CAMK1D: variants seen among roughly 807,000 people sequenced by gnomAD.
CAMK1D encodes the protein calcium/calmodulin dependent protein kinase ID.
In CAMK1D, 9 loss-of-function variants were observed where a neutral mutation model predicts 47.7. That is an observed-to-expected ratio of 0.19 (90% CI 0.11 to 0.33). The LOEUF (loss-of-function observed/expected upper bound fraction) is 0.33, where lower values mean the gene tolerates loss of function less well. CAMK1D is among the 10% of genes least tolerant of loss of function. CAMK1D has a pLI of 1.00. For synonymous variants in CAMK1D, 184 were observed against 184.9 expected, an observed-to-expected ratio of 0.99 and a Z score of 0.04; for missense variants, 291 against 488.7, an observed-to-expected ratio of 0.60 and a Z score of 3.81.
At chr10:12,373,248 G>GT (rs1430485718) in intron 1 of CAMK1D, among the ~76,000 whole-genome samples, 5 of 151,942 alleles carry the variant, frequency 3.3e-5, no homozygotes, top group Admixed American at 1.3e-4. Context: ...AGGAAGTTGA[G>GT]GCTGCAGTGA....
At chr10:12,784,479 T>A (rs958946761) in intron 5 of CAMK1D, among the ~76,000 whole-genome samples, 3 of 152,114 alleles carry the variant, frequency 2.0e-5, no homozygotes, top group Admixed American at 1.3e-4. Flanking sequence ...ATTACAGGCG[T>A]GAGCCACCGT....
At chr10:12,538,126 C>T (rs954307847) in intron 1 of CAMK1D, among the ~76,000 whole-genome samples, 8 of 152,230 alleles carry the variant, frequency 5.3e-5, no homozygotes, top group African/African-American at 1.7e-4. Flanking sequence ...GGGGAAGGCA[C>T]CGTCAGCCAC....
intron 5 of CAMK1D, among the ~76,000 whole-genome samples, chr10:12,770,322 A>G (rs1588906220): frequency 1.3e-5 from 2 of 152,214 alleles, no homozygotes; most frequent in Non-Finnish European, 2.9e-5. Flanking sequence ...ACAACCCCCA[A>G]TTCTTTGTAC....
chr10:12,563,336 A>AG, intron 2 of CAMK1D, among the ~76,000 whole-genome samples: 1 of 149,360 alleles, frequency 6.7e-6, no homozygotes, highest in East Asian at 2.0e-4. Context: ...TCTGGGCAAC[A>AG]GAGTGAGACT....
At chr10:12,495,951 C>G (rs952928780) in intron 1 of CAMK1D, among the ~76,000 whole-genome samples, 2 of 152,122 alleles carry the variant, frequency 1.3e-5, no homozygotes, top group African/African-American at 4.8e-5. Flanking sequence ...CCTCAGCCTC[C>G]TGAGTAGCTG....
intron 2 of CAMK1D, among the ~76,000 whole-genome samples, chr10:12,589,978 A>G (rs1213909272): frequency 6.6e-6 from 1 of 152,132 alleles, no homozygotes; most frequent in Non-Finnish European, 1.5e-5. Flanking sequence ...AACAGGAGCA[A>G]ATGACACTGA....
At chr10:12,774,337 A>G (rs1837178138) in intron 5 of CAMK1D, among the ~76,000 whole-genome samples, 1 of 152,078 alleles carries the variant, frequency 6.6e-6, no homozygotes, top group Non-Finnish European at 1.5e-5. Flanking sequence ...TAAAGATTTG[A>G]TAGGAGCGAG....
At chr10:12,727,308 G>T (rs567037235) in intron 3 of CAMK1D, among the ~76,000 whole-genome samples, 5 of 152,330 alleles carry the variant, frequency 3.3e-5, no homozygotes, top group African/African-American at 1.2e-4. Flanking sequence ...ATGGATTTGT[G>T]GATCTGAGGT....
chr10:12,611,588 C>CTTTTTTTTTT (rs71386105), intron 2 of CAMK1D, among the ~76,000 whole-genome samples: 18 of 59,950 alleles, frequency 3.0e-4, no homozygotes, highest in South Asian at 8.4e-4. Flanking sequence ...TTCAGAATGC[C>CTTTTTTTTTT]TTTTTTTTTT....
chr10:12,801,785 G>A (rs910335124), intron 6 of CAMK1D, among the ~76,000 whole-genome samples: 4 of 152,018 alleles, frequency 2.6e-5, no homozygotes, highest in Non-Finnish European at 5.9e-5. Flanking sequence ...ATACATATTA[G>A]GACATGGAAT....
chr10:12,503,256 G>A (rs1269020744), intron 1 of CAMK1D, among the ~76,000 whole-genome samples: 1 of 152,166 alleles, frequency 6.6e-6, no homozygotes, highest in East Asian at 1.9e-4. Context: ...CACTTGTGCC[G>A]CTGGGATTTT....
At chr10:12,746,145 G>A (rs994299804) in intron 3 of CAMK1D, among the ~76,000 whole-genome samples, 4 of 147,266 alleles carry the variant, frequency 2.7e-5, no homozygotes, top group African/African-American at 5.4e-5. Context: ...GGACGGATCC[G>A]CATGGTCAGG....
At chr10:12,780,063 G>A (rs57842019) in intron 5 of CAMK1D, among the ~76,000 whole-genome samples, 31 of 152,042 alleles carry the variant, frequency 2.0e-4, no homozygotes, top group African/African-American at 7.5e-4. Context: ...GTTTCATCTT[G>A]TTCTTCTCTA....
intron 5 of CAMK1D, among the ~76,000 whole-genome samples, chr10:12,785,865 G>T (rs1306961349): frequency 6.6e-6 from 1 of 152,152 alleles, no homozygotes; most frequent in South Asian, 2.1e-4. Flanking sequence ...TAGAAAGGCC[G>T]GGTGAATTCA....
intron 1 of CAMK1D, among the ~76,000 whole-genome samples, chr10:12,389,678 G>A (rs1838653201): frequency 1.3e-5 from 2 of 152,156 alleles, no homozygotes; most frequent in Admixed American, 1.3e-4. Context: ...TATTTTGGGT[G>A]AATGTTAATG....
chr10:12,364,197 T>A (rs527608122), intron 1 of CAMK1D, among the ~76,000 whole-genome samples: 1 of 150,624 alleles, frequency 6.6e-6, no homozygotes, highest in Non-Finnish European at 1.5e-5. Flanking sequence ...CTAAGAGGCA[T>A]GTAGAAAGTT....
At chr10:12,666,906 G>A (rs1840450096) in intron 3 of CAMK1D, 96 bp downstream of exon 3, 1 of 1,003,388 alleles carries the variant, frequency 1.0e-6, no homozygotes, top group African/African-American at 1.6e-5. Flanking sequence ...AAGTGGGCCA[G>A]GTAAGGCAGT....
chr10:12,768,657 C>T (rs573854747), intron 4 of CAMK1D, among the ~76,000 whole-genome samples: 22 of 151,626 alleles, frequency 1.5e-4, no homozygotes, highest in South Asian at 2.1e-4. Flanking sequence ...CGTGATAAAT[C>T]GTCACCATGA....
At chr10:12,610,882 A>C (rs1838598298) in intron 2 of CAMK1D, among the ~76,000 whole-genome samples, 1 of 152,174 alleles carries the variant, frequency 6.6e-6, no homozygotes, top group Non-Finnish European at 1.5e-5. Context: ...CCTGGCTAAT[A>C]CATCAGTGTT....
Sources: allele counts gnomAD v4.1 joint callset (sites outside exome capture counted in the v4.1 genomes callset), GRCh38; gene constraint gnomAD v4.1.1; transcripts MANE v1.5; gene names NCBI Gene and HGNC (gene_info 2026-07-23, HGNC 2026-07-21).